SGCZ: variants seen among roughly 807,000 people sequenced by gnomAD.
The protein encoded by SGCZ is zeta-sarcoglycan.
A neutral mutation model predicts 41.3 loss-of-function variants in SGCZ; 40 were observed. That is an observed-to-expected ratio of 0.97 (90% CI 0.75 to 1.26). The LOEUF (loss-of-function observed/expected upper bound fraction) is 1.26, where lower values mean the gene tolerates loss of function less well. Among genes scored for constraint, SGCZ ranks in the 50% most tolerant of loss-of-function variants. The pLI is 0.00. For synonymous variants in SGCZ, 206 were observed against 137.5 expected, an observed-to-expected ratio of 1.50 and a Z score of -3.49; for missense variants, 552 against 369.8, an observed-to-expected ratio of 1.49 and a Z score of -4.04.
chr8:14,928,574 A>G (rs1007106809), intron 1 of SGCZ, among the ~76,000 whole-genome samples: 2 of 152,238 alleles, frequency 1.3e-5, no homozygotes, highest in African/African-American at 4.8e-5. Flanking sequence ...ATTAAGGTTT[A>G]AAAATGAAAA....
chr8:14,922,684 C>G (rs1162599232), intron 1 of SGCZ, among the ~76,000 whole-genome samples: 1 of 152,108 alleles, frequency 6.6e-6, no homozygotes, highest in Non-Finnish European at 1.5e-5. Context: ...GGGTATTCCA[C>G]TAGACCAAGG....
At chr8:14,164,820 G>T in intron 4 of SGCZ, 118 bp from the exon 5 acceptor site, 1 of 1,244,398 alleles carries the variant, frequency 8.0e-7, no homozygotes, top group Non-Finnish European at 1.1e-6. Context: ...TCTGCTGTAT[G>T]TTTTGCATCT....
chr8:14,862,397 A>C, intron 1 of SGCZ, among the ~76,000 whole-genome samples: 1 of 151,996 alleles, frequency 6.6e-6, no homozygotes, highest in East Asian at 1.9e-4. Context: ...AAAATGGAGA[A>C]CATCATCTAT....
intron 1 of SGCZ, among the ~76,000 whole-genome samples, chr8:14,815,670 A>G (rs1270057140): frequency 4.6e-5 from 7 of 152,238 alleles, no homozygotes; most frequent in Non-Finnish European, 8.8e-5. Context: ...TTATCAAGGT[A>G]GCAGTGTGAA....
At chr8:14,381,639 T>C (rs1002758638) in intron 2 of SGCZ, among the ~76,000 whole-genome samples, 1 of 151,340 alleles carries the variant, frequency 6.6e-6, no homozygotes, top group Admixed American at 6.6e-5. Context: ...ATTGGCTGGG[T>C]GTAGTCACGT....
intron 5 of SGCZ, among the ~76,000 whole-genome samples, chr8:14,120,003 G>T (rs898447297): frequency 6.6e-6 from 1 of 152,034 alleles, no homozygotes; most frequent in Non-Finnish European, 1.5e-5. Context: ...TGCTCATCAG[G>T]GATACTGGCC....
At chr8:14,477,873 T>C (rs1203248011) in intron 2 of SGCZ, among the ~76,000 whole-genome samples, 1 of 152,212 alleles carries the variant, frequency 6.6e-6, no homozygotes, top group African/African-American at 2.4e-5. Flanking sequence ...TCCTGTCACC[T>C]TCAGCTCTCA....
rs1433413125 is a variant in SGCZ, at chr8:14,394,138, C to CCCCA, written c.235-69935_235-69934insTGGG. On this transcript the variant is annotated intron_variant, in intron 2 of 7. Coordinates refer to ENST00000382080, the MANE Select transcript of SGCZ (RefSeq NM_139167.4). ...TACTTCATGCACTGCCCTACCGCCC[C>CCCCA]CCACCTTTTTTTTTTTTTTTTTTTT... 9.0e-4 allele frequency among the ~76,000 whole-genome samples: 126 copies of CCCCA among 140,308 alleles called. 5 individuals carry two copies. Among genetic ancestry groups the CCCCA allele is most frequent in the African/African-American group, 3.8e-3 (123 of 32,236 alleles). The allele number at this position is 140,308 out of a possible 152,430, so 92.0% of individuals were successfully genotyped here.
chr8:14,317,640 T>A (rs1417975485), intron 3 of SGCZ, among the ~76,000 whole-genome samples: 1 of 151,770 alleles, frequency 6.6e-6, no homozygotes, highest in Admixed American at 6.6e-5. Context: ...GAGAAGATTG[T>A]TAAGAAATGT....
At chr8:14,785,440 T>C (rs1307372203) in intron 1 of SGCZ, among the ~76,000 whole-genome samples, 1 of 152,104 alleles carries the variant, frequency 6.6e-6, no homozygotes, top group Non-Finnish European at 1.5e-5. Context: ...TACATAACGA[T>C]ACCAAAATTT....
chr8:14,771,319 A>C (rs1800228824), intron 1 of SGCZ, among the ~76,000 whole-genome samples: 1 of 152,152 alleles, frequency 6.6e-6, no homozygotes, highest in Admixed American at 6.5e-5. Flanking sequence ...TAAAACTCAG[A>C]TCTAAGAGTA....
intron 2 of SGCZ, among the ~76,000 whole-genome samples, chr8:14,421,605 A>G (rs1035412664): frequency 8.5e-5 from 13 of 152,094 alleles, no homozygotes; most frequent in Non-Finnish European, 8.8e-5. Context: ...AAAAATATGA[A>G]GTTTGCTCAT....
At chr8:14,597,020 A>C (rs1326786512) in intron 1 of SGCZ, among the ~76,000 whole-genome samples, 1 of 152,194 alleles carries the variant, frequency 6.6e-6, no homozygotes, top group Non-Finnish European at 1.5e-5. Flanking sequence ...TGAACAACTC[A>C]TAACTTCCTC....
chr8:15,001,878 C>A (rs913377616), intron 1 of SGCZ, among the ~76,000 whole-genome samples: 7 of 151,996 alleles, frequency 4.6e-5, no homozygotes, highest in Non-Finnish European at 8.8e-5. Flanking sequence ...AGCTTGTTCC[C>A]AGCTGCATGG....
chr8:14,269,644 T>C (rs1020167833), intron 3 of SGCZ, among the ~76,000 whole-genome samples: 1 of 152,156 alleles, frequency 6.6e-6, no homozygotes, highest in African/African-American at 2.4e-5. Context: ...GATAAATTTC[T>C]GATGATAGTG....
intron 1 of SGCZ, among the ~76,000 whole-genome samples, chr8:14,914,470 C>T (rs17601881): frequency 0.11 from 16,456 of 151,700 alleles, 1,130 homozygotes; most frequent in African/African-American, 0.18. Context: ...GCTGGAGTTT[C>T]GTGGCCCACA....
At chr8:14,595,569 C>T (rs1293657657) in intron 1 of SGCZ, among the ~76,000 whole-genome samples, 12 of 152,138 alleles carry the variant, frequency 7.9e-5, no homozygotes, top group Non-Finnish European at 1.8e-4. Context: ...TTCCTCAGAA[C>T]TCCTACTAGC....
intron 1 of SGCZ, among the ~76,000 whole-genome samples, chr8:14,581,437 GTTTGTTTT>G (rs1371373419): frequency 3.3e-5 from 5 of 150,888 alleles, no homozygotes; most frequent in African/African-American, 1.2e-4. Context: ...TTTTTTGTTT[GTTTGTTTT>G]TTTGTTTTTT....
chr8:14,225,178 T>C (rs1038790381), intron 4 of SGCZ, among the ~76,000 whole-genome samples: 3 of 152,136 alleles, frequency 2.0e-5, no homozygotes, highest in Non-Finnish European at 4.4e-5. Context: ...TTTTAACCAA[T>C]GAAGATGATA....
Sources: gnomAD v4.1 joint callset for allele counts (sites outside exome capture counted in the v4.1 genomes callset) on GRCh38, gnomAD v4.1.1 for gene constraint, MANE v1.5 for transcripts, NCBI Gene and HGNC (gene_info 2026-07-23, HGNC 2026-07-21) for gene names.